AQP3: variants seen among roughly 807,000 people sequenced by gnomAD.
AQP3 encodes aquaporin 3 (Gill blood group).
A neutral mutation model predicts 30.3 loss-of-function variants in AQP3; 15 were observed. The ratio of observed to expected loss-of-function variants is 0.49; its 90% CI spans 0.33 to 0.76. AQP3 has a LOEUF of 0.76. AQP3 is among the 30% of genes least tolerant of loss of function. AQP3 has a pLI of 0.02. For synonymous variants in AQP3, 153 were observed against 163.2 expected (o/e 0.94, Z 0.47); for missense variants, 272 against 384.8 (o/e 0.71, Z 2.45).
rs1826864211 is a variant in AQP3, at chr9:33,443,097, C to T, written c.374-127G>A. ...AGCAATACTGCTGTATTGCAGCAGG[C>T]AGAGGGGGTGGCGTGGGGTGGGGTG... On this transcript the variant is annotated intron_variant, in intron 3 of 5. Coordinates refer to ENST00000297991, the MANE Select transcript of AQP3 (RefSeq NM_004925.5). The surrounding 1 kb of genome is among the most constrained non-coding windows in gnomAD (Gnocchi z 5.0). The T allele has an allele frequency of 2.8e-6, 3 of 1,085,608 alleles. No individual in the cohort carries two copies. In the African/African-American group the frequency reaches 4.7e-5, roughly 17 times the overall value. The allele number at this position is 1,085,608 out of a possible 1,614,324, so 67.2% of individuals were successfully genotyped here.
chr9:33,441,292 T>G lies in AQP3; in HGVS notation c.*751A>C, dbSNP rs1440974437. On this transcript the variant is annotated 3_prime_UTR_variant, in exon 6 of 6. Transcript: ENST00000297991. ...CCCGGATCCCTAAGACTGTAACATC[T>G]GCTACATACATTAAAAACAAAACAA... The G allele has an allele frequency of 6.5e-6, 1 of 153,246 alleles. No homozygotes were observed. The highest frequency in any genetic ancestry group is 2.4e-5 in the African/African-American group (1 of 41,398). The allele number at this position is 153,246 out of a possible 1,614,324, so 9.5% of individuals were successfully genotyped here.
intron 1 of AQP3, among the ~76,000 whole-genome samples, chr9:33,444,938 G>A (rs893120406): frequency 2.0e-5 from 3 of 152,070 alleles, no homozygotes; most frequent in Non-Finnish European, 2.9e-5. Context: ...TGGGGAGATC[G>A]GTTCTAAACT....
intron 1 of AQP3, among the ~76,000 whole-genome samples, chr9:33,446,368 C>A (rs1408921524): frequency 6.6e-6 from 1 of 152,166 alleles, no homozygotes; most frequent in African/African-American, 2.4e-5. Context: ...ATTTGGGGAT[C>A]CCTACTTGCC....
At position 33,441,674 on chromosome 9, in the gene AQP3, CG is replaced by C; in HGVS notation, c.*368del. ...CTCCCCCAATAGCCAGAATCCCTTC[CG>C]ACTGGTCCCTTGCCCTGAATATCTG... is the stretch of plus-strand genomic sequence containing the variant. On this transcript the variant is annotated 3_prime_UTR_variant, in exon 6 of 6. Transcript: ENST00000297991. 1 of 416,262 alleles carries C rather than the reference CG, an allele frequency of 2.4e-6. No homozygotes were observed. The allele number at this position is 416,262 out of a possible 1,614,324, so 25.8% of individuals were successfully genotyped here. A position where few individuals can be genotyped will look rare whatever the true frequency, so the allele number is the denominator to read the frequency against.
Position 33,442,852 on chromosome 9 carries a change from C to A in AQP3, c.492G>T (p.Gln164His), listed in dbSNP as rs1315231562. The A allele has an allele frequency of 6.2e-7, 1 of 1,613,542 alleles. No individual in the cohort carries two copies. Reference sequence around the variant, plus strand: ...CCCCTCACACGTCCCCAGCCCATACCTGGTCAAAGAAGCCATTGATCATAT... The same window carrying A: ...CCCCTCACACGTCCCCAGCCCATACATGGTCAAAGAAGCCATTGATCATAT... Reference protein sequence around the residue: ...HLDMINGFFDQFIGTASLIVC... With the variant: ...HLDMINGFFDHFIGTASLIVC... The change falls in exon 4 of 6, where the codon CAG (glutamine) becomes CAT (histidine). Residue 164 changes from glutamine (Q) to histidine (H), a missense_variant and splice_region_variant. Transcript: ENST00000297991.
chr9:33,443,294 G>C lies in AQP3; in HGVS notation c.373+27C>G. 1 of 1,568,500 alleles carries C rather than the reference G, an allele frequency of 6.4e-7. No individual in the cohort carries two copies. On this transcript the variant is annotated intron_variant, in intron 3 of 5. Coordinates refer to ENST00000297991, the MANE Select transcript of AQP3 (RefSeq NM_004925.5). This position sits in a 1 kb window ranked among gnomAD's most constrained non-coding sequence, Gnocchi z 5.0. Reference sequence around the variant, plus strand: ...CCTGAACAGAGGGACGGGGGTAGTGGAGGAGGACAGGGTGGGGAATGCTTA... The same window carrying C: ...CCTGAACAGAGGGACGGGGGTAGTGCAGGAGGACAGGGTGGGGAATGCTTA...
intron 1 of AQP3, among the ~76,000 whole-genome samples, chr9:33,445,532 G>T (rs1263065665): frequency 1.3e-5 from 2 of 152,196 alleles, no homozygotes; most frequent in Admixed American, 6.5e-5. Context: ...AGACAGGCAC[G>T]TGAGGGTCTG....
intron 1 of AQP3, among the ~76,000 whole-genome samples, chr9:33,444,805 C>T (rs139408367): frequency 3.3e-4 from 50 of 152,160 alleles, no homozygotes; most frequent in Middle Eastern, 3.4e-3. Context: ...CGTCTCCTCT[C>T]TCCACCCATG....
At position 33,443,494 on chromosome 9, in the gene AQP3, C is replaced by G. The variant is rs772967421; in HGVS notation, c.236-36G>C. 1 of 1,605,204 alleles carries G rather than the reference C, an allele frequency of 6.2e-7. No individual in the cohort carries two copies. Among genetic ancestry groups the G allele is most frequent in the Non-Finnish European group, 8.5e-7 (1 of 1,176,152 alleles). On this transcript the variant is annotated intron_variant, in intron 2 of 5. Coordinates refer to ENST00000297991, the MANE Select transcript of AQP3 (RefSeq NM_004925.5). The surrounding 1 kb of genome is among the most constrained non-coding windows in gnomAD (Gnocchi z 5.0). ...GGGACAAGGGACCTATTAGCTGCAG[C>G]CTGCCACAGTCGGCAGGCTAGGGTC...
intron 1 of AQP3, among the ~76,000 whole-genome samples, chr9:33,444,697 G>A (rs1034402929): frequency 6.6e-6 from 1 of 151,998 alleles, no homozygotes; most frequent in Non-Finnish European, 1.5e-5. Flanking sequence ...CCAGAAGTGA[G>A]GTTGAATCCA....
rs1267609892 is a variant in AQP3 at position 33,442,225 on chromosome 9, C to G, written c.711-14G>C. 1 of 1,612,018 alleles carries G rather than the reference C, an allele frequency of 6.2e-7. No individual in the cohort carries two copies. The highest frequency in any genetic ancestry group is 8.5e-7 in the Non-Finnish European group (1 of 1,179,296). On this transcript the variant is annotated splice_polypyrimidine_tract_variant and intron_variant, in intron 5 of 5. Transcript: ENST00000297991. ...TGCTGGCCGGTCCTGGGGGGACAGA[C>G]ACTCATAGTCAGGGACATGGGGGGC...
chr9:33,442,891 G>A lies in AQP3; in HGVS notation c.453C>T (p.Pro151=), dbSNP rs143323747. Residue 151 remains proline, a synonymous_variant, in exon 4 of 6, where the codon CCC becomes CCT. Transcript: ENST00000297991. Reference sequence around the variant, plus strand: ...CATTGATCATATCCAAGTGTCCAGAGGGGTAGGTAGCAAAGATGCCGGCTG... The same window carrying A: ...CATTGATCATATCCAAGTGTCCAGAAGGGTAGGTAGCAAAGATGCCGGCTG... ...NGTAGIFATY[P]SGHLDMINGF... The A allele has an allele frequency of 1.9e-6, 3 of 1,614,108 alleles. No individual in the cohort carries two copies. The African/African-American group carries it at 4.0e-5, about 22-fold the overall frequency.
chr9:33,447,190 C>A (rs1321255315), intron 1 of AQP3, among the ~76,000 whole-genome samples: 3 of 152,212 alleles, frequency 2.0e-5, no homozygotes, highest in Non-Finnish European at 2.9e-5. Flanking sequence ...GGCACTATCA[C>A]TGGGGAGTAA....
Position 33,443,900 on chromosome 9 carries a change from G to C in AQP3, c.109-8C>G. Reference sequence around the variant, plus strand: ...GGAGCCACAGCCAAACATCTGTCAGGAAGAAGAACAGGCAGGGAGGGTGAG... The same window carrying C: ...GGAGCCACAGCCAAACATCTGTCAGCAAGAAGAACAGGCAGGGAGGGTGAG... On this transcript the variant is annotated splice_polypyrimidine_tract_variant and splice_region_variant and intron_variant, in intron 1 of 5. Coordinates refer to ENST00000297991, the MANE Select transcript of AQP3 (RefSeq NM_004925.5). The surrounding 1 kb of genome is among the most constrained non-coding windows in gnomAD (Gnocchi z 5.0). The C allele has an allele frequency of 6.2e-7, 1 of 1,612,646 alleles. No homozygotes were observed. The highest frequency in any genetic ancestry group is 1.3e-5 in the African/African-American group (1 of 75,038).
At chr9:33,445,775 C>A (rs1251508927) in intron 1 of AQP3, among the ~76,000 whole-genome samples, 2 of 152,168 alleles carry the variant, frequency 1.3e-5, no homozygotes, top group African/African-American at 4.8e-5. Context: ...ACCCCAAAGC[C>A]AACCCTGATT....
Position 33,442,934 on chromosome 9 carries a change from AC to A in AQP3, c.409del (p.Val137PhefsTer21). Reference sequence around the variant, plus strand: ...GCCGGCTGTGCCATTGGGGCCCGAAACAAAAAGCTGGTTGTCGGCGAAGTGC... The same window carrying A: ...GCCGGCTGTGCCATTGGGGCCCGAAAAAAAAGCTGGTTGTCGGCGAAGTGC... ...IWHFADNQLF[V>X]SGPNGTAGIF... On this transcript the variant is annotated frameshift_variant, in exon 4 of 6. Coordinates refer to ENST00000297991, the MANE Select transcript of AQP3 (RefSeq NM_004925.5). LOFTEE classifies it high-confidence loss of function. 6.2e-7 allele frequency: 1 copy of A among 1,614,226 alleles called. No homozygotes were observed. The highest frequency in any genetic ancestry group is 1.1e-5 in the South Asian group (1 of 91,084).
Position 33,441,741 on chromosome 9 carries a change from A to C in AQP3, c.*302T>G. On this transcript the variant is annotated 3_prime_UTR_variant, in exon 6 of 6. Coordinates refer to ENST00000297991, the MANE Select transcript of AQP3 (RefSeq NM_004925.5). Reference sequence around the variant, plus strand: ...CACACACACCCCTGCACACACATGCACACACATGCACACACATGCACACAC... The same window carrying C: ...CACACACACCCCTGCACACACATGCCCACACATGCACACACATGCACACAC... 1.9e-6 allele frequency: 1 copy of C among 533,038 alleles called. No homozygotes were observed. Among genetic ancestry groups the C allele is most frequent in the Non-Finnish European group, 3.3e-6 (1 of 304,972 alleles). The allele number at this position is 533,038 out of a possible 1,614,324, so 33.0% of individuals were successfully genotyped here.
chr9:33,443,118 G>T lies in AQP3; in HGVS notation c.374-148C>A. The T allele has an allele frequency of 1.9e-6, 2 of 1,046,954 alleles. No homozygotes were observed. The highest frequency in any genetic ancestry group is 2.9e-6 in the Non-Finnish European group (2 of 696,252). The allele number at this position is 1,046,954 out of a possible 1,614,324, so 64.9% of individuals were successfully genotyped here. On this transcript the variant is annotated intron_variant, in intron 3 of 5. Transcript: ENST00000297991. The surrounding 1 kb of genome is among the most constrained non-coding windows in gnomAD (Gnocchi z 5.0). ...CAGGCAGAGGGGGTGGCGTGGGGTGGGGTGGAGGGCCTGAGACTCTGTTAT... is the reference window on the plus strand; with the variant it reads ...CAGGCAGAGGGGGTGGCGTGGGGTGTGGTGGAGGGCCTGAGACTCTGTTAT...
At chr9:33,447,123 A>G (rs1826924189) in intron 1 of AQP3, among the ~76,000 whole-genome samples, 1 of 152,234 alleles carries the variant, frequency 6.6e-6, no homozygotes, top group Non-Finnish European at 1.5e-5. Flanking sequence ...CCAGACTGCA[A>G]GCGTGACCGC....
Sources: allele counts gnomAD v4.1 joint callset (sites outside exome capture counted in the v4.1 genomes callset), GRCh38; gene constraint gnomAD v4.1.1; non-coding constraint Gnocchi (gnomAD v3.1); transcripts MANE v1.5; gene names NCBI Gene and HGNC (gene_info 2026-07-23, HGNC 2026-07-21).